Variants in SLC19A1 observed in about 807,000 individuals in gnomAD.
SLC19A1 encodes solute carrier family 19 member 1.
In SLC19A1, 37 loss-of-function variants were observed where a neutral mutation model predicts 35.3. That is an observed-to-expected ratio of 1.05 (90% CI 0.81 to 1.38). SLC19A1 has a LOEUF of 1.38. SLC19A1 is among the 40% of genes most tolerant of loss of function. The pLI, the probability that SLC19A1 is intolerant of heterozygous loss-of-function variation, is 0.00. For synonymous variants in SLC19A1, 460 were observed against 398.5 expected, an observed-to-expected ratio of 1.15 and a Z score of -1.84; for missense variants, 831 against 826.9, an observed-to-expected ratio of 1.00 and a Z score of -0.06.
At chr21:45,525,713 C>G (rs2077587184) in intron 5 of SLC19A1, 104 bp downstream of exon 5, 1 of 1,358,930 alleles carries the variant, frequency 7.4e-7, no homozygotes, top group South Asian at 1.3e-5. Flanking sequence ...ACCCTGTGCC[C>G]CCAGCCCACA....
chr21:45,528,319 G>C (rs1350436257), intron 4 of SLC19A1, among the ~76,000 whole-genome samples: 2 of 152,172 alleles, frequency 1.3e-5, no homozygotes, highest in East Asian at 3.9e-4. Context: ...AGACGAGTGT[G>C]GGGCGTGATG....
chr21:45,558,844 A>G (rs957017810), intron 1 of SLC19A1, among the ~76,000 whole-genome samples: 2 of 147,800 alleles, frequency 1.4e-5, no homozygotes, highest in African/African-American at 5.0e-5. Flanking sequence ...GAGTCTGGCT[A>G]GGTCCCCAGG....
intron 5 of SLC19A1, among the ~76,000 whole-genome samples, chr21:45,520,581 TG>T (rs1349903423): frequency 6.6e-6 from 1 of 152,336 alleles, no homozygotes; most frequent in East Asian, 1.9e-4. Flanking sequence ...TGGAATGAAT[TG>T]TGAACCCATC....
At chr21:45,506,957 G>A (rs2037244634) in intron 3 of SLC19A1, 1 of 264,136 alleles carries the variant, frequency 3.8e-6, no homozygotes, top group South Asian at 3.8e-5. Context: ...TGCCCACTGT[G>A]TGCCAGGTGT....
In SLC19A1 at chr21:45,530,852, G is replaced by A. The variant is rs930146460; in HGVS notation, c.1069C>T (p.Arg357Cys). ...AGLVFLLAHT[R>C]HPSSIWLCYA... Reference sequence around the variant, plus strand: ...CACAGCCAGATGCTGCTCGGGTGGCGCGTGTGCGCCAGAAGGAAGACCAGC... The same window carrying A: ...CACAGCCAGATGCTGCTCGGGTGGCACGTGTGCGCCAGAAGGAAGACCAGC... The change falls in exon 4 of 6, where the codon CGC becomes TGC. Residue 357 changes from arginine (R) to cysteine (C), a missense_variant. Physicochemically the swap from Arg to Cys is radical, Grantham distance 180 (BLOSUM62 -3). Coordinates refer to ENST00000311124, the MANE Select transcript of SLC19A1 (RefSeq NM_194255.4). The surrounding 1 kb of genome is among the most constrained non-coding windows in gnomAD (Gnocchi z 5.3). 3.3e-6 allele frequency: 5 copies of A among 1,505,328 alleles called. No homozygotes were observed. Among genetic ancestry groups the A allele is most frequent in the Admixed American group, 2.2e-5 (1 of 45,008 alleles). The allele number at this position is 1,505,328 out of a possible 1,614,324, so 93.2% of individuals were successfully genotyped here.
intron 3 of SLC19A1, chr21:45,504,657 G>A: frequency 9.6e-7 from 1 of 1,040,598 alleles, no homozygotes; most frequent in Non-Finnish European, 1.4e-6. Context: ...GAAGGCCGGA[G>A]CTGCCCCTGC....
At chr21:45,559,567 T>C (rs1247088167) in intron 1 of SLC19A1, among the ~76,000 whole-genome samples, 1 of 152,192 alleles carries the variant, frequency 6.6e-6, no homozygotes, top group Non-Finnish European at 1.5e-5. Flanking sequence ...TGCAGGTACC[T>C]GTGGATTCTG....
At chr21:45,542,559 G>T (rs2078346697), upstream of SLC19A1, 1 of 150,848 alleles carries the variant, frequency 6.6e-6, no homozygotes, top group Non-Finnish European at 1.5e-5. Flanking sequence ...CGTCCCCACG[G>T]GGCACCCTCC....
chr21:45,522,414 T>C (rs1182599793), intron 5 of SLC19A1, among the ~76,000 whole-genome samples: 1 of 152,194 alleles, frequency 6.6e-6, no homozygotes, highest in African/African-American at 2.4e-5. Context: ...ACGACTGCTA[T>C]GGAAAGTGGG....
chr21:45,536,319 C>A (rs1279690218), intron 2 of SLC19A1: 1 of 152,952 alleles, frequency 6.5e-6, no homozygotes, highest in Non-Finnish European at 1.5e-5. Flanking sequence ...GGAAACGCCA[C>A]ACATAATGCT....
At chr21:45,546,866 G>C (rs989311919), upstream of SLC19A1, among the ~76,000 whole-genome samples, 1 of 152,160 alleles carries the variant, frequency 6.6e-6, no homozygotes, top group Non-Finnish European at 1.5e-5. Context: ...ACAATCACAG[G>C]CATGCATCTT....
rs775090847 is a variant in SLC19A1 at position 45,531,822 on chromosome 21, C to T, written c.516G>A (p.Gln172=). 33 of 1,590,044 alleles carry T rather than the reference C, an allele frequency of 2.1e-5. No individual in the cohort carries two copies. The highest frequency in any genetic ancestry group is 2.8e-5 in the Non-Finnish European group (33 of 1,168,882). ...LGVFTSSVLG[Q]LLVTVGRVSF... ...AGACTCGGCCCACAGTGACCAGCAG[C>T]TGGCCCAGCACGGAGCTGGTGAACA... Residue 172 remains glutamine, a synonymous_variant, in exon 3 of 6, where the codon CAG becomes CAA. Transcript: ENST00000311124.
rs1435306133 is a variant in SLC19A1, at chr21:45,515,528, G to A, written c.*130C>T. ...ACCGCCAGAGTGCGGCACAGGGCAG[G>A]GGGAATCCTAGGGGGCCTGCTAGCA... On this transcript the variant is annotated 3_prime_UTR_variant, in exon 6 of 6. Transcript: ENST00000311124. 1 of 1,530,778 alleles carries A rather than the reference G, an allele frequency of 6.5e-7. No individual in the cohort carries two copies. The highest frequency in any genetic ancestry group is 1.4e-5 in the African/African-American group (1 of 72,212). The allele number at this position is 1,530,778 out of a possible 1,614,324, so 94.8% of individuals were successfully genotyped here. A position where few individuals can be genotyped will look rare whatever the true frequency, so the allele number is the denominator to read the frequency against.
intron 3 of SLC19A1, chr21:45,506,245 A>C: frequency 4.4e-6 from 2 of 457,336 alleles, no homozygotes; most frequent in Non-Finnish European, 8.1e-6. Flanking sequence ...ACAAAGATAA[A>C]TGTCACCTCA....
intron 3 of SLC19A1, chr21:45,505,523 C>T (rs1022199897): frequency 4.0e-6 from 3 of 757,726 alleles, no homozygotes; most frequent in African/African-American, 1.7e-5. Context: ...CCCACGGACC[C>T]CACAGGGAGA....
chr21:45,523,067 C>G (rs1020999907), intron 5 of SLC19A1, among the ~76,000 whole-genome samples: 12 of 120,986 alleles, frequency 9.9e-5, no homozygotes, highest in Admixed American at 4.8e-4. Context: ...AAAAAGCAGG[C>G]AAACCCAGGC....
chr21:45,522,685 T>C (rs1052047541), intron 5 of SLC19A1, among the ~76,000 whole-genome samples: 1 of 152,046 alleles, frequency 6.6e-6, no homozygotes, highest in African/African-American at 2.4e-5. Flanking sequence ...AGTAACAACA[T>C]GGATGAATGT....
chr21:45,559,275 G>T (rs539286867), intron 1 of SLC19A1, among the ~76,000 whole-genome samples: 1 of 152,126 alleles, frequency 6.6e-6, no homozygotes, highest in Non-Finnish European at 1.5e-5. Context: ...TGGAAACATC[G>T]CAACGTTGAG....
At chr21:45,558,715 G>A (rs1408647713) in intron 1 of SLC19A1, among the ~76,000 whole-genome samples, 3 of 152,182 alleles carry the variant, frequency 2.0e-5, no homozygotes, top group Non-Finnish European at 2.9e-5. Flanking sequence ...GACAGAGTAC[G>A]GCCACCTGGT....
Sources: gnomAD v4.1 joint callset for allele counts (sites outside exome capture counted in the v4.1 genomes callset) on GRCh38, gnomAD v4.1.1 for gene constraint, Gnocchi (gnomAD v3.1) non-coding constraint, MANE v1.5 for transcripts, NCBI Gene and HGNC (gene_info 2026-07-23, HGNC 2026-07-21) for gene names.